TMEM135: variants seen among roughly 807,000 people sequenced by gnomAD.
The protein encoded by TMEM135 is peroxisomal membrane protein 52.
A neutral mutation model predicts 60.3 loss-of-function variants in TMEM135; 30 were observed. The ratio of observed to expected loss-of-function variants is 0.50; its 90% confidence interval spans 0.37 to 0.68. The LOEUF (loss-of-function observed/expected upper bound fraction) is 0.68. TMEM135 is among the 30% of genes least tolerant of loss of function. The pLI, the probability that TMEM135 is intolerant of heterozygous loss-of-function variation, is 0.00. For missense variants in TMEM135, 468 were observed against 548.8 expected (o/e 0.85, Z 1.47); for synonymous variants, 190 against 186.7 (o/e 1.02, Z -0.14).
At chr11:87,182,686 TA>T (rs1334580334) in intron 5 of TMEM135, among the ~76,000 whole-genome samples, 2 of 152,176 alleles carry the variant, frequency 1.3e-5, no homozygotes, top group African/African-American at 4.8e-5. Context: ...CTTTATGAAA[TA>T]TTTTTTTCTC....
intron 5 of TMEM135, among the ~76,000 whole-genome samples, chr11:87,205,739 T>G (rs896538199): frequency 3.9e-5 from 6 of 152,206 alleles, no homozygotes; most frequent in African/African-American, 1.4e-4. Flanking sequence ...TTTTCAAACC[T>G]AAGACTGGGC....
chr11:87,226,636 G>A (rs1940769394), intron 5 of TMEM135, among the ~76,000 whole-genome samples: 1 of 152,144 alleles, frequency 6.6e-6, no homozygotes, highest in Non-Finnish European at 1.5e-5. Context: ...TAAAAGGACA[G>A]GATAGCATAT....
intron 6 of TMEM135, among the ~76,000 whole-genome samples, chr11:87,282,351 G>A (rs974953873): frequency 3.9e-5 from 6 of 151,992 alleles, no homozygotes; most frequent in Non-Finnish European, 5.9e-5. Context: ...TGCAACCTCC[G>A]CCTCCCGGGT....
At chr11:87,200,073 T>A (rs901084390) in intron 5 of TMEM135, among the ~76,000 whole-genome samples, 2 of 152,226 alleles carry the variant, frequency 1.3e-5, no homozygotes, top group African/African-American at 4.8e-5. Context: ...TAAGTTTCAT[T>A]AATAATTGTT....
At chr11:87,230,754 A>T (rs367720923) in intron 5 of TMEM135, among the ~76,000 whole-genome samples, 4 of 152,210 alleles carry the variant, frequency 2.6e-5, no homozygotes, top group Non-Finnish European at 4.4e-5. Flanking sequence ...AGAATGATCT[A>T]TATCTGTCCT....
At chr11:87,140,217 G>A (rs11234990) in intron 4 of TMEM135, among the ~76,000 whole-genome samples, 8,840 of 152,032 alleles carry the variant, frequency 0.058, 353 homozygotes, top group Middle Eastern at 0.095. Flanking sequence ...ACAGGTGCAT[G>A]CCACCACGCC....
At chr11:87,096,288 A>G in intron 4 of TMEM135, 2 of 270,408 alleles carry the variant, frequency 7.4e-6, no homozygotes, top group Non-Finnish European at 1.5e-5. Context: ...TCTTGAAAAT[A>G]GAACTTGTTC....
At chr11:87,191,987 CTTTTTT>C (rs200969171) in intron 5 of TMEM135, among the ~76,000 whole-genome samples, 1 of 77,186 alleles carries the variant, frequency 1.3e-5, no homozygotes, top group African/African-American at 5.9e-5. Flanking sequence ...CTTTTCTTTT[CTTTTTT>C]TTTTTTTTTT....
chr11:87,128,418 A>G (rs1268038459), intron 4 of TMEM135, among the ~76,000 whole-genome samples: 3 of 152,148 alleles, frequency 2.0e-5, no homozygotes, highest in African/African-American at 4.8e-5. Context: ...TACTTGTAAT[A>G]AGAGAATCTC....
At chr11:87,287,548 G>A (rs902153142) in intron 6 of TMEM135, among the ~76,000 whole-genome samples, 1 of 152,134 alleles carries the variant, frequency 6.6e-6, no homozygotes, top group African/African-American at 2.4e-5. Context: ...CTAGTGGCAG[G>A]TGCCTATAAT....
chr11:87,271,614 A>C (rs994899176), intron 6 of TMEM135, among the ~76,000 whole-genome samples: 1 of 152,106 alleles, frequency 6.6e-6, no homozygotes, highest in East Asian at 1.9e-4. Context: ...AATATCTTGG[A>C]TATATTGGGT....
intron 4 of TMEM135, among the ~76,000 whole-genome samples, chr11:87,098,228 A>G (rs1005806092): frequency 1.3e-5 from 2 of 152,134 alleles, no homozygotes; most frequent in African/African-American, 2.4e-5. Context: ...TAGCGTTCCA[A>G]TAATGGAACA....
At chr11:87,250,286 A>G (rs1791446) in intron 6 of TMEM135, among the ~76,000 whole-genome samples, 100,124 of 151,782 alleles carry the variant, frequency 0.66, 33,594 homozygotes, top group Non-Finnish European at 0.71. Flanking sequence ...GTATTTTTGT[A>G]TGTATTTTAT....
chr11:87,042,971 T>C (rs1949763074), intron 1 of TMEM135, among the ~76,000 whole-genome samples: 2 of 151,664 alleles, frequency 1.3e-5, no homozygotes, highest in African/African-American at 4.9e-5. Context: ...TTTTTTTTTT[T>C]TGAGACAGAG....
intron 12 of TMEM135, among the ~76,000 whole-genome samples, chr11:87,316,573 C>G (rs896366608): frequency 2.0e-5 from 3 of 151,864 alleles, no homozygotes; most frequent in Non-Finnish European, 4.4e-5. Flanking sequence ...TGGCTTGCAC[C>G]AGGATGATAG....
At chr11:87,086,342 G>A (rs1180204132) in intron 3 of TMEM135, among the ~76,000 whole-genome samples, 1 of 152,160 alleles carries the variant, frequency 6.6e-6, no homozygotes, top group African/African-American at 2.4e-5. Context: ...CTTAGCCCCA[G>A]GCCTTCCACT....
At chr11:87,260,520 A>T (rs989305107) in intron 6 of TMEM135, among the ~76,000 whole-genome samples, 12 of 138,656 alleles carry the variant, frequency 8.7e-5, no homozygotes, top group African/African-American at 3.1e-4. Flanking sequence ...ACTTTCCTGA[A>T]TTTATTATCT....
intron 4 of TMEM135, among the ~76,000 whole-genome samples, chr11:87,148,825 A>G (rs1938480879): frequency 6.6e-6 from 1 of 152,236 alleles, no homozygotes; most frequent in South Asian, 2.1e-4. Context: ...TTAGTTATAC[A>G]TACTTTAATA....
intron 1 of TMEM135, among the ~76,000 whole-genome samples, chr11:87,064,291 A>G (rs1338826835): frequency 6.7e-6 from 1 of 150,306 alleles, no homozygotes; most frequent in Non-Finnish European, 1.5e-5. Context: ...CAAAGTATTG[A>G]ACTTTTAATT....
Sources: allele counts gnomAD v4.1 joint callset (sites outside exome capture counted in the v4.1 genomes callset), GRCh38; gene constraint gnomAD v4.1.1; transcripts MANE v1.5; gene names NCBI Gene and HGNC (gene_info 2026-07-23, HGNC 2026-07-21).